PATJ: variants seen among roughly 807,000 people sequenced by gnomAD.
The protein encoded by PATJ is inaD-like protein.
Under a neutral mutation model 224.9 loss-of-function variants are expected in PATJ, and 190 were observed. The observed-to-expected ratio is 0.84, with a 90% CI of 0.75 to 0.95. The LOEUF is 0.95. Ranked by LOEUF, PATJ falls within the 40% of genes least tolerant of loss-of-function variation. The pLI is 0.00. For synonymous variants in PATJ, 769 were observed against 820.3 expected (o/e 0.94, Z 1.07); for missense variants, 2,121 against 2,270.3 (o/e 0.93, Z 1.34).
chr1:61,923,531 G>A (rs1284033711), intron 26 of PATJ, among the ~76,000 whole-genome samples: 3 of 152,050 alleles, frequency 2.0e-5, no homozygotes, highest in Non-Finnish European at 4.4e-5. Flanking sequence ...ATAAAAGCAA[G>A]ACATGTTCTC....
intron 26 of PATJ, among the ~76,000 whole-genome samples, chr1:61,923,384 A>G (rs1674615321): frequency 6.6e-6 from 1 of 152,248 alleles, no homozygotes; most frequent in Admixed American, 6.5e-5. Context: ...TGTAATTAGT[A>G]TGAAAATAAA....
At chr1:62,028,395 A>G (rs772093494) in intron 29 of PATJ, among the ~76,000 whole-genome samples, 1 of 152,110 alleles carries the variant, frequency 6.6e-6, no homozygotes, top group African/African-American at 2.4e-5. Context: ...ATTCTTTTAC[A>G]TGTAGATATC....
At chr1:61,968,387 T>C (rs1404004432) in intron 27 of PATJ, among the ~76,000 whole-genome samples, 7 of 152,154 alleles carry the variant, frequency 4.6e-5, no homozygotes, top group African/African-American at 1.7e-4. Flanking sequence ...GGTCGACTTA[T>C]TTTAAAAAAT....
rs1363460570 is a variant in PATJ at position 61,976,146 on chromosome 1, T to A, written c.3671-14022T>A. ...TCCATGTCTCGCCTTAAATTGTCGA[T>A]TCCAAAAGGGCTGAGGAAGGTTTTA... On this transcript the variant is annotated intron_variant, in intron 27 of 43. Transcript: ENST00000642238. Among the ~76,000 whole-genome samples the A allele has an allele frequency of 2.0e-5, 3 of 151,944 alleles. No homozygotes were observed. The South Asian group carries it at 6.2e-4, about 31-fold the overall frequency.
intron 41 of PATJ, among the ~76,000 whole-genome samples, chr1:62,136,666 TGTGTGTGTG>T (rs1163201864): frequency 2.3e-4 from 1 of 4,258 alleles, no homozygotes; most frequent in Non-Finnish European, 6.3e-4. Context: ...TGTGTGTGTC[TGTGTGTGTG>T]TGTGTGTGTG....
intron 14 of PATJ, among the ~76,000 whole-genome samples, chr1:61,821,967 A>T (rs1657360293): frequency 6.6e-6 from 1 of 152,210 alleles, no homozygotes; most frequent in African/African-American, 2.4e-5. Context: ...CTTGACTCGT[A>T]TCTCAGCCCA....
At chr1:61,916,703 A>G (rs1362055635) in intron 26 of PATJ, among the ~76,000 whole-genome samples, 1 of 152,222 alleles carries the variant, frequency 6.6e-6, no homozygotes, top group Non-Finnish European at 1.5e-5. Flanking sequence ...GAAAGAGTTT[A>G]ATGCATACAG....
intron 6 of PATJ, among the ~76,000 whole-genome samples, chr1:61,773,749 A>C (rs1646752669): frequency 6.6e-6 from 1 of 150,802 alleles, no homozygotes; most frequent in South Asian, 2.1e-4. Flanking sequence ...ATGCCACTGT[A>C]CTCCTGCCTG....
chr1:61,890,737 C>T (rs921159187), intron 22 of PATJ, among the ~76,000 whole-genome samples: 8 of 152,260 alleles, frequency 5.3e-5, no homozygotes, highest in African/African-American at 1.9e-4. Flanking sequence ...CTCAAGCAAT[C>T]CTCCCACCTT....
At chr1:61,889,353 C>G (rs75004742) in intron 22 of PATJ, among the ~76,000 whole-genome samples, 2,792 of 152,192 alleles carry the variant, frequency 0.018, 88 homozygotes, top group African/African-American at 0.063. Flanking sequence ...AAGGAGAGAT[C>G]TCTAGAAAGG....
chr1:61,753,195 A>G (rs992022325), intron 1 of PATJ, among the ~76,000 whole-genome samples: 2 of 152,178 alleles, frequency 1.3e-5, no homozygotes, highest in Non-Finnish European at 2.9e-5. Flanking sequence ...TGCACTTGAT[A>G]TTGATAAGCA....
chr1:62,154,486 C>A (rs76064176), intron 43 of PATJ, among the ~76,000 whole-genome samples: 1 of 151,856 alleles, frequency 6.6e-6, no homozygotes, highest in Admixed American at 6.6e-5. Context: ...CATGGCAAAA[C>A]CCGTCTTTAC....
chr1:62,079,943 G>A (rs1034299216), intron 32 of PATJ, among the ~76,000 whole-genome samples: 3 of 151,360 alleles, frequency 2.0e-5, no homozygotes, highest in Non-Finnish European at 2.9e-5. Flanking sequence ...CAGGAGAATC[G>A]CCTGAACCCA....
chr1:61,996,956 A>G (rs1393323386), intron 28 of PATJ, among the ~76,000 whole-genome samples: 2 of 151,786 alleles, frequency 1.3e-5, no homozygotes, highest in East Asian at 1.9e-4. Flanking sequence ...TGGCCAGGCT[A>G]GTCTCGAACT....
chr1:61,965,806 A>G (rs1323397271), intron 27 of PATJ, among the ~76,000 whole-genome samples: 1 of 152,230 alleles, frequency 6.6e-6, no homozygotes, highest in African/African-American at 2.4e-5. Context: ...AGAGATTTGT[A>G]CTAGGAGAGT....
At chr1:61,790,160 C>T (rs796321373) in intron 8 of PATJ, among the ~76,000 whole-genome samples, 25 of 144,852 alleles carry the variant, frequency 1.7e-4, no homozygotes, top group African/African-American at 5.9e-4. Flanking sequence ...GCTGTGATTG[C>T]TCCATTGCAC....
chr1:61,922,615 C>T (rs1674497502), intron 26 of PATJ, among the ~76,000 whole-genome samples: 1 of 152,212 alleles, frequency 6.6e-6, no homozygotes, highest in African/African-American at 2.4e-5. Flanking sequence ...CTCCACTGGA[C>T]CTCCTGATTT....
chr1:61,751,970 C>G (rs1049630055), intron 1 of PATJ, among the ~76,000 whole-genome samples: 2 of 151,880 alleles, frequency 1.3e-5, no homozygotes, highest in African/African-American at 4.8e-5. Context: ...AAAATCTTAT[C>G]TCTACTAAAA....
At chr1:62,125,926 C>T (rs1367035099) in intron 39 of PATJ, among the ~76,000 whole-genome samples, 1 of 152,166 alleles carries the variant, frequency 6.6e-6, no homozygotes, top group Non-Finnish European at 1.5e-5. Context: ...CGTGCCACCA[C>T]ATCCAGCTAA....
Sources: gnomAD v4.1 joint callset for allele counts (sites outside exome capture counted in the v4.1 genomes callset) on GRCh38, gnomAD v4.1.1 for gene constraint, MANE v1.5 for transcripts, NCBI Gene and HGNC (gene_info 2026-07-23, HGNC 2026-07-21) for gene names.